The following HAPLN2 variants were observed in gnomAD, a reference collection of about 807,000 sequenced individuals.
The protein encoded by HAPLN2 is brain link protein-1.
In HAPLN2, 27 loss-of-function variants were observed where a neutral mutation model predicts 29.3. The ratio of observed to expected loss-of-function variants is 0.92; its 90% CI spans 0.68 to 1.27. The LOEUF is 1.27. Ranked by LOEUF, HAPLN2 falls within the 50% of genes most tolerant of loss-of-function variation. The pLI, the probability that HAPLN2 is intolerant of heterozygous loss-of-function variation, is 0.00. For synonymous variants in HAPLN2, 208 were observed against 211.7 expected (o/e 0.98, Z 0.15); for missense variants, 454 against 484.3 (o/e 0.94, Z 0.59).
intron 3 of HAPLN2, 52 bp from the exon 4 acceptor site, chr1:156,623,755 C>G (rs1232025179): frequency 6.8e-7 from 1 of 1,471,934 alleles, no homozygotes; most frequent in African/African-American, 1.4e-5. Context: ...CTGATGGGCA[C>G]TTGGGGCAGT....
chr1:156,619,768 C>T (rs1678161822), intron 1 of HAPLN2, among the ~76,000 whole-genome samples: 1 of 152,202 alleles, frequency 6.6e-6, no homozygotes, highest in East Asian at 1.9e-4. Flanking sequence ...TCCAGGTCAT[C>T]ATTCCTGGGT....
the HAPLN2 span, among the ~76,000 whole-genome samples, chr1:156,607,601 T>C: frequency 6.6e-6 from 1 of 152,202 alleles, no homozygotes; most frequent in Admixed American, 6.5e-5. Flanking sequence ...GTGTGGTCCC[T>C]GAGACTGACT....
chr1:156,625,665 G>T lies in HAPLN2; in HGVS notation c.*281G>T. The stretch of plus-strand genomic sequence containing the variant: ...ACTCAGCCACCGCCGGGGGGAGGGT[G>T]AGGCGGCCGGGGGCATTAACTGACC... On this transcript the variant is annotated 3_prime_UTR_variant, in exon 7 of 7. Transcript: ENST00000255039. This position sits in a 1 kb window ranked among gnomAD's most constrained non-coding sequence, Gnocchi z 5.7. 1 of 412,416 alleles carries T rather than the reference G, an allele frequency of 2.4e-6. No homozygotes were observed. 25.5% of individuals were successfully genotyped at this position (412,416 alleles called of 1,614,324 possible).
At chr1:156,609,483 G>A in the HAPLN2 span, among the ~76,000 whole-genome samples, 1 of 152,184 alleles carries the variant, frequency 6.6e-6, no homozygotes, top group East Asian at 1.9e-4. Flanking sequence ...GTGCATCATT[G>A]TGTAATCAGT....
the HAPLN2 span, among the ~76,000 whole-genome samples, chr1:156,609,226 C>T: frequency 2.0e-5 from 3 of 152,216 alleles, no homozygotes; most frequent in African/African-American, 7.2e-5. Context: ...GCGCCCAGAA[C>T]GCTGCAGGGG....
intron 3 of HAPLN2, 47 bp from the exon 4 acceptor site, chr1:156,623,760 G>A (rs1439140336): frequency 6.8e-7 from 1 of 1,470,678 alleles, no homozygotes; most frequent in Non-Finnish European, 9.0e-7. Context: ...GGGCACTTGG[G>A]GCAGTGAGGA....
chr1:156,623,159 C>G (rs1024665059), intron 2 of HAPLN2, among the ~76,000 whole-genome samples: 1 of 151,896 alleles, frequency 6.6e-6, no homozygotes, highest in East Asian at 1.9e-4. Context: ...AGGATAGAGA[C>G]GAGCTGGCAG....
At chr1:156,623,627 G>C in intron 3 of HAPLN2, 52 bp downstream of exon 3, 1 of 1,608,294 alleles carries the variant, frequency 6.2e-7, no homozygotes, top group Non-Finnish European at 8.5e-7. Context: ...GAGACTGCAA[G>C]GGTGGGGAAA....
Position 156,625,398 on chromosome 1 carries a change from C to G in HAPLN2, c.*14C>G. ...GCCGAGAATTAGGCGCCCACCGTGT[C>G]CCCTCCAGCGCGCGCGAAGAAGCTT... On this transcript the variant is annotated 3_prime_UTR_variant, in exon 7 of 7. Coordinates refer to ENST00000255039, the MANE Select transcript of HAPLN2 (RefSeq NM_021817.3). The surrounding 1 kb of genome is among the most constrained non-coding windows in gnomAD (Gnocchi z 5.7). 1 of 1,568,804 alleles carries G rather than the reference C, an allele frequency of 6.4e-7. No homozygotes were observed. The highest frequency in any genetic ancestry group is 8.6e-7 in the Non-Finnish European group (1 of 1,156,626).
chr1:156,624,608 C>A lies in HAPLN2; in HGVS notation c.564C>A (p.Thr188=). The change falls in exon 6 of 7, where the codon ACC becomes ACA. Residue 188 remains threonine (T), a synonymous_variant. Coordinates refer to ENST00000255039, the MANE Select transcript of HAPLN2 (RefSeq NM_021817.3). ...TCCGCCGTCTCCCGCCAGCTTGGACCGAGGGTCTGGACTGGTGTAACGCGG... is the reference window on the plus strand; with the variant it reads ...TCCGCCGTCTCCCGCCAGCTTGGACAGAGGGTCTGGACTGGTGTAACGCGG... ...ATYSQLYQAW[T]EGLDWCNAGW... 1.9e-6 allele frequency: 3 copies of A among 1,612,640 alleles called. No homozygotes were observed. Among genetic ancestry groups the A allele is most frequent in the South Asian group, 1.1e-5 (1 of 90,888 alleles).
chr1:156,623,603 G>C, intron 3 of HAPLN2, 28 bp downstream of exon 3: 1 of 1,613,364 alleles, frequency 6.2e-7, no homozygotes, highest in South Asian at 1.1e-5. Context: ...GCCAGAATCT[G>C]GGGGAGGCTT....
the HAPLN2 span, among the ~76,000 whole-genome samples, chr1:156,605,598 CAAAAAAAAAAA>C: frequency 1.6e-5 from 1 of 63,846 alleles, no homozygotes; most frequent in African/African-American, 7.2e-5. Context: ...GACTTGGTCT[CAAAAAAAAAAA>C]AAAAAAAAAA....
chr1:156,617,885 C>A (rs1678099764), upstream of HAPLN2, among the ~76,000 whole-genome samples: 1 of 152,078 alleles, frequency 6.6e-6, no homozygotes, highest in African/African-American at 2.4e-5. Context: ...ATGTCTTGAT[C>A]TGGTGGGTTT....
chr1:156,604,157 T>A, the HAPLN2 span, among the ~76,000 whole-genome samples: 1 of 152,104 alleles, frequency 6.6e-6, no homozygotes. Flanking sequence ...ATAGAAATAT[T>A]TATTACAGTA....
chr1:156,625,059 C>T lies in HAPLN2; in HGVS notation c.740-42C>T, dbSNP rs1678402135. On this transcript the variant is annotated intron_variant, in intron 6 of 6. Transcript: ENST00000255039. This position sits in a 1 kb window ranked among gnomAD's most constrained non-coding sequence, Gnocchi z 5.7. Reference sequence around the variant, plus strand: ...CTCCTGGGTGTCAGCCGCCCCTCTCCGCCCACCCTGCCCTCGGTCGGTGAC... The same window carrying T: ...CTCCTGGGTGTCAGCCGCCCCTCTCTGCCCACCCTGCCCTCGGTCGGTGAC... 6.5e-7 allele frequency: 1 copy of T among 1,527,858 alleles called. No homozygotes were observed. The highest frequency in any genetic ancestry group is 8.7e-7 in the Non-Finnish European group (1 of 1,143,662). The allele number at this position is 1,527,858 out of a possible 1,614,324, so 94.6% of individuals were successfully genotyped here.
the HAPLN2 span, among the ~76,000 whole-genome samples, chr1:156,609,786 G>T: frequency 0.023 from 3,565 of 152,216 alleles, 80 homozygotes; most frequent in Non-Finnish European, 0.035. Flanking sequence ...GGAGGGTGAG[G>T]ATTGAAAACC....
At chr1:156,614,506 A>T (rs1467583274), upstream of HAPLN2, among the ~76,000 whole-genome samples, 1 of 152,130 alleles carries the variant, frequency 6.6e-6, no homozygotes, top group East Asian at 1.9e-4. Flanking sequence ...ACAGGTGTGA[A>T]CACGGCACCC....
chr1:156,609,565 CTTA>C, the HAPLN2 span, among the ~76,000 whole-genome samples: 1 of 152,094 alleles, frequency 6.6e-6, no homozygotes, highest in African/African-American at 2.4e-5. Context: ...TTTTGATGGC[CTTA>C]TTTTTACATT....
chr1:156,624,552 C>T (rs1325821235), intron 5 of HAPLN2, 49 bp from the exon 6 acceptor site: 11 of 1,603,416 alleles, frequency 6.9e-6, no homozygotes, highest in Non-Finnish European at 9.4e-6. Context: ...CTCAGTCTGG[C>T]TCCTGCCTAT....
Sources: allele counts gnomAD v4.1 joint callset (sites outside exome capture counted in the v4.1 genomes callset), GRCh38; gene constraint gnomAD v4.1.1; non-coding constraint Gnocchi (gnomAD v3.1); transcripts MANE v1.5; gene names NCBI Gene and HGNC (gene_info 2026-07-23, HGNC 2026-07-21).